JAZF1: variants seen among roughly 807,000 people sequenced by gnomAD.
JAZF1 encodes the protein juxtaposed with another zinc finger protein 1.
In JAZF1, 8 loss-of-function variants were observed where a neutral mutation model predicts 26.4. The ratio of observed to expected loss-of-function variants is 0.30; its 90% CI spans 0.18 to 0.55. The LOEUF (loss-of-function observed/expected upper bound fraction) is 0.55. Among genes scored for constraint, JAZF1 ranks in the 20% least tolerant of loss-of-function variants. JAZF1 has a pLI of 0.94. For missense variants in JAZF1, 199 were observed against 322.0 expected (o/e 0.62, Z 2.92); for synonymous variants, 126 against 122.3 (o/e 1.03, Z -0.20).
rs114218110 is a variant in JAZF1 at position 27,956,507 on chromosome 7, C to T, written c.188+35402G>A. Among the ~76,000 whole-genome samples, 1,342 of 152,272 alleles carry T rather than the reference C, an allele frequency of 8.8e-3. 13 individuals carry two copies. Among genetic ancestry groups the T allele is most frequent in the African/African-American group, 0.015 (637 of 41,552 alleles). On this transcript the variant is annotated intron_variant, in intron 2 of 4. Coordinates refer to ENST00000283928, the MANE Select transcript of JAZF1 (RefSeq NM_175061.4). ...ACCTCATGACTTGCTCATTATTATT[C>T]CCTAATATCCCCTCCACTTGGAATC...
intron 3 of JAZF1, among the ~76,000 whole-genome samples, chr7:27,874,814 G>T (rs1012897423): frequency 6.6e-6 from 1 of 152,136 alleles, no homozygotes; most frequent in East Asian, 1.9e-4. Context: ...TGGGAAGGCT[G>T]GTCAATAGCC....
At chr7:27,904,460 C>CT (rs1784216068) in intron 2 of JAZF1, among the ~76,000 whole-genome samples, 1 of 152,144 alleles carries the variant, frequency 6.6e-6, no homozygotes, top group Admixed American at 6.5e-5. Context: ...ATAGAATGGC[C>CT]TTTTTTGGTG....
intron 1 of JAZF1, among the ~76,000 whole-genome samples, chr7:28,172,940 T>A (rs1343159878): frequency 6.6e-6 from 1 of 152,174 alleles, no homozygotes; most frequent in Non-Finnish European, 1.5e-5. Context: ...TCAAGTCCAA[T>A]GTCATCAAAC....
At chr7:27,856,456 C>G (rs571098073) in intron 3 of JAZF1, among the ~76,000 whole-genome samples, 52 of 152,240 alleles carry the variant, frequency 3.4e-4, no homozygotes, top group African/African-American at 1.1e-3. Flanking sequence ...GGGACCTGAG[C>G]GGGTTGCCAC....
At chr7:27,899,467 C>T (rs1006722309) in intron 2 of JAZF1, among the ~76,000 whole-genome samples, 5 of 152,136 alleles carry the variant, frequency 3.3e-5, no homozygotes, top group Admixed American at 2.6e-4. Context: ...GACAGGGTCT[C>T]GCTGTCACCC....
intron 1 of JAZF1, among the ~76,000 whole-genome samples, chr7:28,047,698 ATT>A (rs1783520376): frequency 6.6e-6 from 1 of 152,162 alleles, no homozygotes; most frequent in African/African-American, 2.4e-5. Context: ...TGCTTCTGAT[ATT>A]TATCATATAT....
In JAZF1 at chr7:27,840,927, C is replaced by T. The variant is rs1347912601; in HGVS notation, c.386-60G>A. On this transcript the variant is annotated intron_variant, in intron 3 of 4. Coordinates refer to ENST00000283928, the MANE Select transcript of JAZF1 (RefSeq NM_175061.4). This position sits in a 1 kb window ranked among gnomAD's most constrained non-coding sequence, Gnocchi z 5.1. ...GCGCTCATCTCCCCACAGGTTCACC[C>T]GGCCACTTCCAGGACAGGAGATGTG... 8 of 1,568,134 alleles carry T rather than the reference C, an allele frequency of 5.1e-6. No individual in the cohort carries two copies. Among genetic ancestry groups the T allele is most frequent in the East Asian group, 2.2e-5 (1 of 44,526 alleles).
At position 27,873,073 on chromosome 7, in the gene JAZF1, C is replaced by G. The variant is rs1783613691; in HGVS notation, c.385+22147G>C. Among the ~76,000 whole-genome samples the G allele has an allele frequency of 2.6e-5, 4 of 152,310 alleles. No homozygotes were observed. The South Asian group carries it at 8.3e-4, about 32-fold the overall frequency. On this transcript the variant is annotated intron_variant, in intron 3 of 4. Coordinates refer to ENST00000283928, the MANE Select transcript of JAZF1 (RefSeq NM_175061.4). ...ATTAAGCGACGGGGTAGGTTTCTAT[C>G]AACTGGGAGGGATTTGTGCGTTATG...
intron 3 of JAZF1, among the ~76,000 whole-genome samples, chr7:27,873,825 C>T (rs1419861287): frequency 2.0e-5 from 3 of 152,182 alleles, no homozygotes; most frequent in Non-Finnish European, 4.4e-5. Flanking sequence ...TTGCCTGTCT[C>T]TCTTCTAGAG....
chr7:27,881,403 T>C (rs1312473908), intron 3 of JAZF1, among the ~76,000 whole-genome samples: 7 of 152,250 alleles, frequency 4.6e-5, no homozygotes, highest in Admixed American at 6.5e-5. Flanking sequence ...AAATTATATA[T>C]ACTGGTATTA....
rs529842553 is a variant in JAZF1 at position 28,148,880 on chromosome 7, G to C, written c.115+31583C>G. Among the ~76,000 whole-genome samples, 3 of 152,326 alleles carry C rather than the reference G, an allele frequency of 2.0e-5. No homozygotes were observed. The East Asian group carries it at 5.8e-4, about 29-fold the overall frequency. ...AATGACACATGCAACTCAGGGTCTG[G>C]AGGAGGAAAACCTCCTTGCGGTTTA... On this transcript the variant is annotated intron_variant, in intron 1 of 4. Transcript: ENST00000283928.
chr7:28,043,943 AG>A (rs1422521396), intron 1 of JAZF1, among the ~76,000 whole-genome samples: 2 of 152,134 alleles, frequency 1.3e-5, no homozygotes, highest in Non-Finnish European at 2.9e-5. Flanking sequence ...AGATCCATAG[AG>A]GCAGAAAGCA....
chr7:27,957,367 T>C (rs996955540), intron 2 of JAZF1, among the ~76,000 whole-genome samples: 2 of 152,216 alleles, frequency 1.3e-5, no homozygotes, highest in African/African-American at 4.8e-5. Context: ...ACATAAGGGA[T>C]GATGTATGTT....
intron 3 of JAZF1, among the ~76,000 whole-genome samples, chr7:27,862,715 C>CACTTGCTTCCAGA (rs1783405712): frequency 1.3e-5 from 2 of 152,172 alleles, no homozygotes; most frequent in African/African-American, 4.8e-5. Context: ...ACTTGCTGTC[C>CACTTGCTTCCAGA]AGCTTCCACG....
chr7:28,131,206 G>C (rs534304846), intron 1 of JAZF1, among the ~76,000 whole-genome samples: 1 of 151,990 alleles, frequency 6.6e-6, no homozygotes, highest in African/African-American at 2.4e-5. Context: ...TTGTTCATTC[G>C]TTTCAGTAAG....
chr7:27,971,217 A>T (rs1785370349), intron 2 of JAZF1, among the ~76,000 whole-genome samples: 1 of 152,128 alleles, frequency 6.6e-6, no homozygotes, highest in Admixed American at 6.5e-5. Context: ...GTTTGTGATG[A>T]TATGGTTATG....
intron 1 of JAZF1, among the ~76,000 whole-genome samples, chr7:28,100,195 G>C (rs373840752): frequency 6.6e-6 from 1 of 152,120 alleles, no homozygotes; most frequent in Admixed American, 6.5e-5. Context: ...ATAAATGAGA[G>C]TAATACTTCT....
At chr7:27,911,634 CGATCACAGAAAG>C (rs1318226353) in intron 2 of JAZF1, among the ~76,000 whole-genome samples, 1 of 152,144 alleles carries the variant, frequency 6.6e-6, no homozygotes, top group Non-Finnish European at 1.5e-5. Flanking sequence ...AAAATTTCCA[CGATCACAGAAAG>C]TCCTATTGAG....
intron 1 of JAZF1, among the ~76,000 whole-genome samples, chr7:28,039,794 T>C (rs1193623616): frequency 6.6e-6 from 1 of 152,172 alleles, no homozygotes; most frequent in East Asian, 1.9e-4. Context: ...GCCCCAAGGA[T>C]ATAAATAACT....
Sources: allele counts gnomAD v4.1 joint callset (sites outside exome capture counted in the v4.1 genomes callset), GRCh38; gene constraint gnomAD v4.1.1; non-coding constraint Gnocchi (gnomAD v3.1); transcripts MANE v1.5; gene names NCBI Gene and HGNC (gene_info 2026-07-23, HGNC 2026-07-21).